Variants in IL1B observed in about 807,000 individuals in gnomAD.
IL1B encodes interleukin 1 beta.
Under a neutral mutation model 26.2 loss-of-function variants are expected in IL1B, and 11 were observed. The ratio of observed to expected loss-of-function variants is 0.42; its 90% confidence interval spans 0.26 to 0.70. IL1B has a LOEUF of 0.70. IL1B is among the 30% of genes least tolerant of loss of function. The probability of loss-of-function intolerance (pLI) is 0.25; values close to 1 mark genes in which losing one functional copy is unlikely to be tolerated. For missense variants in IL1B, 255 were observed against 327.5 expected (o/e 0.78, Z 1.71); for synonymous variants, 118 against 120.8 (o/e 0.98, Z 0.15).
At chr2:112,836,124 C>A in intron 2 of IL1B, 59 bp downstream of exon 2, 1 of 1,526,476 alleles carries the variant, frequency 6.6e-7, no homozygotes, top group Non-Finnish European at 9.1e-7. Context: ...GCACAGATAA[C>A]ACTCTACTCT....
rs371339015 is a variant in IL1B at position 112,833,410 on chromosome 2, C to T, written c.265G>A (p.Asp89Asn). The T allele has an allele frequency of 1.9e-6, 3 of 1,614,064 alleles. No individual in the cohort carries two copies. The highest frequency in any genetic ancestry group is 1.3e-5 in the African/African-American group (1 of 74,920). The change falls in exon 4 of 7, where the codon GAC (aspartate) becomes AAC (asparagine). Residue 89 changes from aspartate (D) to asparagine (N), a missense_variant. Asp to Asn is a conservative substitution (Grantham distance 23). Transcript: ENST00000263341. ...ATGAAGGGAAAGAAGGTGCTCAGGT[C>T]ATTCTCCTGGAAGGTCTGTGGGCAG... Reference protein sequence around the residue: ...VPCPQTFQENDLSTFFPFIFE... With the variant: ...VPCPQTFQENNLSTFFPFIFE...
At chr2:112,833,091 C>G in intron 4 of IL1B, 1 of 601,572 alleles carries the variant, frequency 1.7e-6, no homozygotes, top group Non-Finnish European at 3.0e-6. Flanking sequence ...ATGGTCATAA[C>G]ACTAGCCCAC....
intron 3 of IL1B, 36 bp downstream of exon 3, chr2:112,835,530 C>A: frequency 6.4e-7 from 1 of 1,556,678 alleles, no homozygotes; most frequent in South Asian, 1.1e-5. Context: ...GTGTTAGAGC[C>A]CTTCCTTGGG....
intron 6 of IL1B, chr2:112,831,023 A>G: frequency 6.5e-6 from 3 of 458,110 alleles, no homozygotes; most frequent in Non-Finnish European, 1.2e-5. Context: ...GTGTCTATCA[A>G]ATGAGAGCAG....
chr2:112,833,208 C>T, intron 4 of IL1B, 166 bp downstream of exon 4: 1 of 711,976 alleles, frequency 1.4e-6, no homozygotes. Flanking sequence ...AGAATAGTTT[C>T]CACTAAAGAG....
chr2:112,833,702 T>C (rs1682034325), intron 3 of IL1B, 127 bp from the exon 4 acceptor site: 4 of 898,002 alleles, frequency 4.5e-6, no homozygotes, highest in East Asian at 2.6e-5. Flanking sequence ...CTAAAGATCA[T>C]CCCTCTCTGG....
intron 1 of IL1B, 51 bp from the exon 2 acceptor site, chr2:112,836,295 G>A (rs1022157132): frequency 3.0e-6 from 4 of 1,338,038 alleles, no homozygotes; most frequent in Non-Finnish European, 4.3e-6. Context: ...CTACGTTCAT[G>A]TGTGATTTCT....
rs1682013606 is a variant in IL1B at position 112,832,819 on chromosome 2, G to T, written c.309C>A (p.Ile103=). The part of the protein sequence containing the change: ...FFPFIFEEEP[I]FFDTWDNEAY... ...CCTCGTTATCCCATGTGTCGAAGAA[G>T]ATAGGTTCTGAAATGTGGAGCACAT... Residue 103 remains isoleucine (I), a synonymous_variant, in exon 5 of 7, where the codon ATC becomes ATA. Coordinates refer to ENST00000263341, the MANE Select transcript of IL1B (RefSeq NM_000576.3). The T allele has an allele frequency of 6.2e-7, 1 of 1,614,062 alleles. No individual in the cohort carries two copies. The highest frequency in any genetic ancestry group is 8.5e-7 in the Non-Finnish European group (1 of 1,180,004).
In IL1B at chr2:112,830,480, C is replaced by A. The variant is rs746237682; in HGVS notation, c.691G>T (p.Ala231Ser). ...CTGATGTACCAGTTGGGGAACTGGG[C>A]AGACTCAAATTCCAGCTTGTTATTG... ...EINNKLEFES[A>S]QFPNWYISTS... Residue 231 changes from alanine to serine, a missense_variant, in exon 7 of 7, where the codon GCC (alanine) becomes TCC (serine). Coordinates refer to ENST00000263341, the MANE Select transcript of IL1B (RefSeq NM_000576.3). 8 of 1,613,626 alleles carry A rather than the reference C, an allele frequency of 5.0e-6. No homozygotes were observed. In the African/African-American group the frequency reaches 8.0e-5, roughly 16 times the overall value.
intron 3 of IL1B, 55 bp downstream of exon 3, chr2:112,835,511 G>A (rs1682071705): frequency 7.0e-7 from 1 of 1,435,126 alleles, no homozygotes; most frequent in African/African-American, 1.4e-5. Context: ...CCTTCTTTGA[G>A]CTTTCCCTGT....
Position 112,831,548 on chromosome 2 carries a change from G to A in IL1B, c.467-126C>T, listed in dbSNP as rs1312857379. On this transcript the variant is annotated intron_variant, in intron 5 of 6. Coordinates refer to ENST00000263341, the MANE Select transcript of IL1B (RefSeq NM_000576.3). ...GTGGGAACCCACAGTGAGGTTCCTT[G>A]GCCTAAGACACAGGATAACTTGACT... 3 of 1,005,564 alleles carry A rather than the reference G, an allele frequency of 3.0e-6. No homozygotes were observed. The African/African-American group carries it at 4.8e-5, about 16-fold the overall frequency. The allele number at this position is 1,005,564 out of a possible 1,614,324, so 62.3% of individuals were successfully genotyped here. A position where few individuals can be genotyped will look rare whatever the true frequency, so the allele number is the denominator to read the frequency against.
In IL1B at chr2:112,836,763, C is replaced by T; in HGVS notation, c.-71G>A. On this transcript the variant is annotated 5_prime_UTR_variant, in exon 1 of 7. Transcript: ENST00000263341. ...CCAGAGCAGCCTGTTGTGCCTTGTG[C>T]CTCGAAGAGGTTTGGTATCTGCCAG... is the stretch of plus-strand genomic sequence containing the variant. 1 of 156,092 alleles carries T rather than the reference C, an allele frequency of 6.4e-6. No individual in the cohort carries two copies. The highest frequency in any genetic ancestry group is 1.8e-4 in the South Asian group (1 of 5,410). 9.7% of individuals were successfully genotyped at this position (156,092 alleles called of 1,614,324 possible). A position where few individuals can be genotyped will look rare whatever the true frequency, so the allele number is the denominator to read the frequency against.
chr2:112,832,678 C>T lies in IL1B; in HGVS notation c.450G>A (p.Gln150=), dbSNP rs745418043. 2.5e-6 allele frequency: 4 copies of T among 1,614,210 alleles called. No homozygotes were observed. The highest frequency in any genetic ancestry group is 2.2e-5 in the South Asian group (2 of 91,086). ...YELKALHLQG[Q]DMEQQVVFSM... ...TCCATTTACCTTGTTGCTCCATATCCTGTCCCTGGAGGTGGAGAGCTTTCA... is the reference window on the plus strand; with the variant it reads ...TCCATTTACCTTGTTGCTCCATATCTTGTCCCTGGAGGTGGAGAGCTTTCA... Residue 150 remains glutamine (Q), a synonymous_variant, in exon 5 of 7, where the codon CAG becomes CAA. Transcript: ENST00000263341.
intron 4 of IL1B, chr2:112,833,051 G>A (rs1042275604): frequency 9.7e-6 from 6 of 615,692 alleles, no homozygotes; most frequent in East Asian, 2.8e-5. Context: ...CACTGTGGCC[G>A]AGCAACAGAG....
intron 3 of IL1B, among the ~76,000 whole-genome samples, chr2:112,834,235 C>G (rs1409035960): frequency 6.6e-6 from 1 of 152,290 alleles, no homozygotes; most frequent in East Asian, 1.9e-4. Context: ...TATACCTTCT[C>G]TATATCTTTT....
At chr2:112,834,611 G>A (rs1682051984) in intron 3 of IL1B, among the ~76,000 whole-genome samples, 1 of 152,264 alleles carries the variant, frequency 6.6e-6, no homozygotes. Flanking sequence ...GGCAATGGGG[G>A]CAAAGGCCAG....
At chr2:112,835,737 C>G in intron 2 of IL1B, 120 bp from the exon 3 acceptor site, 1 of 841,282 alleles carries the variant, frequency 1.2e-6, no homozygotes, top group South Asian at 1.4e-5. Flanking sequence ...CTCAAAGCTG[C>G]CTGAAACACC....
At chr2:112,833,140 G>A (rs1219414317) in intron 4 of IL1B, 16 of 609,228 alleles carry the variant, frequency 2.6e-5, no homozygotes, top group Middle Eastern at 4.4e-4. Context: ...GTAAGTGAAA[G>A]GCCCCTGAGA....
chr2:112,831,604 GA>G (rs1362786259), intron 5 of IL1B, among the ~76,000 whole-genome samples, 182 bp from the exon 6 acceptor site: 2 of 152,108 alleles, frequency 1.3e-5, no homozygotes, highest in African/African-American at 4.8e-5. Flanking sequence ...TCATTTTGTT[GA>G]TTTAGGGTTT....
Sources: allele counts gnomAD v4.1 joint callset (sites outside exome capture counted in the v4.1 genomes callset), GRCh38; gene constraint gnomAD v4.1.1; transcripts MANE v1.5; gene names NCBI Gene and HGNC (gene_info 2026-07-23, HGNC 2026-07-21).